CHRM3: variants seen among roughly 807,000 people sequenced by gnomAD.
The protein encoded by CHRM3 is cholinergic receptor muscarinic 3.
A neutral mutation model predicts 41.8 loss-of-function variants in CHRM3; 11 were observed. That is an observed-to-expected ratio of 0.26 (90% CI 0.17 to 0.44). The LOEUF is 0.44. CHRM3 is among the 20% of genes least tolerant of loss of function. CHRM3 has a pLI of 1.00. For synonymous variants in CHRM3, 297 were observed against 301.4 expected (o/e 0.99, Z 0.15); for missense variants, 571 against 745.4 (o/e 0.77, Z 2.72).
chr1:239,714,618 A>C (rs1331396586), intron 5 of CHRM3, among the ~76,000 whole-genome samples: 3 of 152,106 alleles, frequency 2.0e-5, no homozygotes, highest in Non-Finnish European at 4.4e-5. Flanking sequence ...GGGAAAGCCT[A>C]GTGGAAAATG....
At chr1:239,516,696 C>A (rs1007203549) in intron 2 of CHRM3, among the ~76,000 whole-genome samples, 1 of 152,202 alleles carries the variant, frequency 6.6e-6, no homozygotes, top group Non-Finnish European at 1.5e-5. Flanking sequence ...CAGATAGGTA[C>A]TGGTCTGCTA....
intron 5 of CHRM3, among the ~76,000 whole-genome samples, chr1:239,687,548 A>G (rs1265537114): frequency 1.3e-5 from 2 of 152,106 alleles, no homozygotes; most frequent in Non-Finnish European, 2.9e-5. Context: ...AATTTGCCAT[A>G]TGTACATTAT....
At chr1:239,779,709 T>C (rs1572267122) in intron 5 of CHRM3, among the ~76,000 whole-genome samples, 1 of 152,182 alleles carries the variant, frequency 6.6e-6, no homozygotes, top group East Asian at 1.9e-4. Context: ...TACTCCAGAC[T>C]TGGCAACAGA....
At chr1:239,602,411 C>A (rs61836573) in intron 3 of CHRM3, among the ~76,000 whole-genome samples, 1 of 152,128 alleles carries the variant, frequency 6.6e-6, no homozygotes, top group Admixed American at 6.6e-5. Context: ...ATTAGTGATG[C>A]ATTTTGGTAG....
At chr1:239,611,564 GCA>G (rs1370540224) in intron 3 of CHRM3, among the ~76,000 whole-genome samples, 2 of 151,878 alleles carry the variant, frequency 1.3e-5, no homozygotes, top group Non-Finnish European at 2.9e-5. Flanking sequence ...GGGATTACAG[GCA>G]TGCGTCACCA....
intron 1 of CHRM3, among the ~76,000 whole-genome samples, chr1:239,482,981 C>G (rs966856901): frequency 3.0e-4 from 45 of 152,162 alleles, no homozygotes; most frequent in Non-Finnish European, 1.0e-4. Flanking sequence ...AGCCACCGTG[C>G]TATTCGCTTC....
chr1:239,477,373 G>A (rs1223016020), intron 1 of CHRM3, among the ~76,000 whole-genome samples: 1 of 152,184 alleles, frequency 6.6e-6, no homozygotes, highest in African/African-American at 2.4e-5. Flanking sequence ...TATAGAAGAA[G>A]AAGGTTTTTC....
At chr1:239,497,892 G>A (rs1667986768) in intron 2 of CHRM3, among the ~76,000 whole-genome samples, 1 of 152,220 alleles carries the variant, frequency 6.6e-6, no homozygotes, top group African/African-American at 2.4e-5. Context: ...GTTATACAGT[G>A]TCTCAGCATA....
intron 1 of CHRM3, among the ~76,000 whole-genome samples, chr1:239,456,715 G>A (rs181674158): frequency 6.6e-6 from 1 of 152,320 alleles, no homozygotes; most frequent in Admixed American, 6.5e-5. Context: ...TATCCAGGGT[G>A]CAACATTTGG....
At chr1:239,397,395 G>A (rs1313874046) in intron 1 of CHRM3, among the ~76,000 whole-genome samples, 5 of 151,970 alleles carry the variant, frequency 3.3e-5, no homozygotes, top group Non-Finnish European at 7.4e-5. Context: ...TGTTGTGGCC[G>A]GGTGTGGTGG....
At chr1:239,562,688 C>T (rs556423774) in intron 3 of CHRM3, among the ~76,000 whole-genome samples, 1 of 151,996 alleles carries the variant, frequency 6.6e-6, no homozygotes, top group South Asian at 2.1e-4. Flanking sequence ...AGGAGTTCAA[C>T]ACCAGCCTTG....
chr1:239,909,188 C>A lies in CHRM3; in HGVS notation c.1737C>A (p.Val579=). 1.2e-6 allele frequency: 2 copies of A among 1,612,914 alleles called. No homozygotes were observed. The highest frequency in any genetic ancestry group is 2.2e-5 in the South Asian group (2 of 90,862). Residue 579 remains valine (V), a synonymous_variant, in exon 7 of 7, where the codon GTC becomes GTA. Coordinates refer to ENST00000676153, the MANE Select transcript of CHRM3 (RefSeq NM_001375978.1). The stretch of plus-strand genomic sequence containing the variant: ...AGCAGTACCAGCAGAGACAGTCGGT[C>A]ATTTTTCACAAGCGCGCACCCGAGC... The part of the protein sequence containing the change: ...RKQQYQQRQS[V]IFHKRAPEQA...
intron 5 of CHRM3, among the ~76,000 whole-genome samples, chr1:239,816,036 G>A (rs539941922): frequency 6.6e-6 from 1 of 151,370 alleles, no homozygotes; most frequent in African/African-American, 2.4e-5. Context: ...TTCTCATTCT[G>A]GGGGGGAAAA....
intron 1 of CHRM3, among the ~76,000 whole-genome samples, chr1:239,398,069 T>C (rs924615531): frequency 2.6e-5 from 4 of 152,086 alleles, no homozygotes; most frequent in African/African-American, 9.7e-5. Flanking sequence ...GTCATTTTCC[T>C]GGGTAGAGGG....
intron 1 of CHRM3, among the ~76,000 whole-genome samples, chr1:239,391,257 TGAA>T (rs1332497368): frequency 1.3e-5 from 2 of 152,210 alleles, no homozygotes; most frequent in African/African-American, 4.8e-5. Context: ...ACTGTACACT[TGAA>T]GACCATAGTA....
At chr1:239,457,318 A>C (rs1665025589) in intron 1 of CHRM3, among the ~76,000 whole-genome samples, 1 of 152,196 alleles carries the variant, frequency 6.6e-6, no homozygotes, top group African/African-American at 2.4e-5. Context: ...ACATATGCTA[A>C]GCAACCTAAG....
intron 3 of CHRM3, among the ~76,000 whole-genome samples, chr1:239,632,022 T>A (rs1006653938): frequency 2.6e-5 from 4 of 152,198 alleles, no homozygotes; most frequent in African/African-American, 4.8e-5. Flanking sequence ...GACGGGTACC[T>A]TAACTTCTCT....
intron 2 of CHRM3, among the ~76,000 whole-genome samples, chr1:239,541,756 A>T (rs1658804336): frequency 6.6e-6 from 1 of 152,032 alleles, no homozygotes; most frequent in African/African-American, 2.4e-5. Context: ...CAAGCAATCC[A>T]CCTGCCTTGG....
chr1:239,743,788 C>CTTTTTTTTTTTTTTTTTTTT (rs10718514), intron 5 of CHRM3, among the ~76,000 whole-genome samples: 2 of 81,202 alleles, frequency 2.5e-5, no homozygotes, highest in Non-Finnish European at 4.6e-5. Flanking sequence ...TTTTTTTTTT[C>CTTTTTTTTTTTTTTTTTTTT]TTTTTTTTTT....
Sources: gnomAD v4.1 joint callset for allele counts (sites outside exome capture counted in the v4.1 genomes callset) on GRCh38, gnomAD v4.1.1 for gene constraint, MANE v1.5 for transcripts, NCBI Gene and HGNC (gene_info 2026-07-23, HGNC 2026-07-21) for gene names.